LGR5: variants seen among roughly 807,000 people sequenced by gnomAD.
LGR5 encodes leucine rich repeat containing G protein-coupled receptor 5.
A neutral mutation model predicts 76.7 loss-of-function variants in LGR5; 54 were observed. That is an observed-to-expected ratio of 0.70 (90% CI 0.57 to 0.88). LGR5 has a LOEUF of 0.88. Among genes scored for constraint, LGR5 ranks in the 40% least tolerant of loss-of-function variants. LGR5 has a pLI of 0.00. For synonymous variants in LGR5, 406 were observed against 421.9 expected, an observed-to-expected ratio of 0.96 and a Z score of 0.46; for missense variants, 1,078 against 1,073.3, an observed-to-expected ratio of 1.00 and a Z score of -0.06.
At chr12:71,469,621 CTG>C (rs1349572188) in intron 1 of LGR5, among the ~76,000 whole-genome samples, 1 of 152,198 alleles carries the variant, frequency 6.6e-6, no homozygotes, top group Admixed American at 6.5e-5. Flanking sequence ...AGCGGAGAAA[CTG>C]AGAAAATCCA....
chr12:71,500,858 T>A (rs1190756434), intron 1 of LGR5, among the ~76,000 whole-genome samples: 1 of 152,174 alleles, frequency 6.6e-6, no homozygotes, highest in Non-Finnish European at 1.5e-5. Flanking sequence ...CTAGACGTGA[T>A]CAGTAATATA....
chr12:71,533,914 A>G (rs1451269870), intron 3 of LGR5, among the ~76,000 whole-genome samples: 1 of 152,210 alleles, frequency 6.6e-6, no homozygotes, highest in Non-Finnish European at 1.5e-5. Flanking sequence ...GTCAGCACAT[A>G]TGCCTCAAGA....
intron 4 of LGR5, among the ~76,000 whole-genome samples, chr12:71,535,795 A>G (rs1876556041): frequency 6.6e-6 from 1 of 152,190 alleles, no homozygotes; most frequent in Admixed American, 6.6e-5. Flanking sequence ...ACACAGACAC[A>G]TGGACTCACA....
At chr12:71,531,961 C>G (rs1033765270) in intron 3 of LGR5, among the ~76,000 whole-genome samples, 1 of 151,990 alleles carries the variant, frequency 6.6e-6, no homozygotes, top group Non-Finnish European at 1.5e-5. Flanking sequence ...CGCAACTATT[C>G]AATGACAAAA....
At chr12:71,531,846 C>T (rs1184987182) in intron 3 of LGR5, among the ~76,000 whole-genome samples, 5 of 152,100 alleles carry the variant, frequency 3.3e-5, no homozygotes, top group Non-Finnish European at 7.4e-5. Context: ...CCCGTGTGGG[C>T]GACAGAGTGA....
Position 71,583,999 on chromosome 12 carries a change from G to A in LGR5, c.1989G>A (p.Gly663=). ...FLLTLAALER[G]FSVKYSAKFE... is the part of the protein sequence containing the mutation. ...TTACTCTGGCAGCCCTGGAGCGTGG[G>A]TTCTCTGTGAAATATTCTGCAAAAT... is the stretch of plus-strand genomic sequence containing the variant. Residue 663 remains glycine, a synonymous_variant, in exon 18 of 18, where the codon GGG becomes GGA. Coordinates refer to ENST00000266674, the MANE Select transcript of LGR5 (RefSeq NM_003667.4). 1 of 1,614,172 alleles carries A rather than the reference G, an allele frequency of 6.2e-7. No homozygotes were observed. Among genetic ancestry groups the A allele is most frequent in the South Asian group, 1.1e-5 (1 of 91,076 alleles).
intron 1 of LGR5, among the ~76,000 whole-genome samples, chr12:71,457,701 G>A (rs1004011169): frequency 1.3e-5 from 2 of 152,126 alleles, no homozygotes; most frequent in African/African-American, 4.8e-5. Context: ...TGTTTTGTGG[G>A]AACACCTTTA....
chr12:71,561,533 G>T (rs1337191449), intron 7 of LGR5, among the ~76,000 whole-genome samples: 5 of 152,154 alleles, frequency 3.3e-5, no homozygotes, highest in African/African-American at 7.2e-5. Context: ...ACATTAGATT[G>T]TAAGTTTCCA....
rs541261120 is a variant in LGR5, at chr12:71,520,349, C to T, written c.285-4057C>T. 5.9e-5 allele frequency among the ~76,000 whole-genome samples: 9 copies of T among 152,000 alleles called. No homozygotes were observed. In the South Asian group the frequency reaches 1.0e-3, roughly 18 times the overall value. ...ACTAATATGAGATACCTAGAAAAAGCAAGTTCATAGACAGAGGATGTAGAA... is the reference window on the plus strand; with the variant it reads ...ACTAATATGAGATACCTAGAAAAAGTAAGTTCATAGACAGAGGATGTAGAA... On this transcript the variant is annotated intron_variant, in intron 2 of 17. Transcript: ENST00000266674.
In LGR5 at chr12:71,580,378, A is replaced by T; in HGVS notation, c.1507A>T (p.Met503Leu). The T allele has an allele frequency of 6.2e-7, 1 of 1,614,110 alleles. No homozygotes were observed. The highest frequency in any genetic ancestry group is 8.5e-7 in the Non-Finnish European group (1 of 1,179,964). Residue 503 changes from methionine (M) to leucine (L), a missense_variant, in exon 16 of 18, where the codon ATG (methionine) becomes TTG (leucine). Met to Leu is a conservative substitution (Grantham distance 15, BLOSUM62 2). Transcript: ENST00000266674. ...ATGGAATAAAGGTGACAACAGCAGT[A>T]TGGACGACCTTCATAAGAAAGATGC... ...NQWNKGDNSS[M>L]DDLHKKDAGM...
chr12:71,502,436 G>C (rs945593902), intron 1 of LGR5, among the ~76,000 whole-genome samples: 4 of 152,038 alleles, frequency 2.6e-5, no homozygotes, highest in African/African-American at 9.7e-5. Flanking sequence ...GACCTCGGGT[G>C]ACCCACCTGC....
chr12:71,473,724 T>C (rs1385008053), intron 1 of LGR5, among the ~76,000 whole-genome samples: 1 of 152,012 alleles, frequency 6.6e-6, no homozygotes, highest in Non-Finnish European at 1.5e-5. Context: ...TTTAAGAATA[T>C]GATTATTCAA....
chr12:71,445,007 T>C (rs959228745), intron 1 of LGR5, among the ~76,000 whole-genome samples: 2 of 152,178 alleles, frequency 1.3e-5, no homozygotes, highest in African/African-American at 4.8e-5. Context: ...AATTTAAGTA[T>C]GTTTCTGAAT....
chr12:71,468,064 C>T (rs1405533331), intron 1 of LGR5, among the ~76,000 whole-genome samples: 1 of 152,164 alleles, frequency 6.6e-6, no homozygotes, highest in Non-Finnish European at 1.5e-5. Flanking sequence ...CTTTAGCCTT[C>T]ATCTATTTAA....
At chr12:71,488,354 A>G (rs1384172147) in intron 1 of LGR5, among the ~76,000 whole-genome samples, 2 of 152,200 alleles carry the variant, frequency 1.3e-5, no homozygotes, top group African/African-American at 4.8e-5. Flanking sequence ...CCAAAAGTCT[A>G]AGGGAGCTTT....
At position 71,574,078 on chromosome 12, in the gene LGR5, C is replaced by T. The variant is rs560273349; in HGVS notation, c.1208+1157C>T. On this transcript the variant is annotated intron_variant, in intron 13 of 17. Transcript: ENST00000266674. ...AGTCAGTTCTATATTAAAAGGCAGG[C>T]GGATCACGAGGTCAGGAGTTCGAGA... Among the ~76,000 whole-genome samples, 10 of 151,632 alleles carry T rather than the reference C, an allele frequency of 6.6e-5. No homozygotes were observed. The South Asian group carries it at 8.4e-4, about 13-fold the overall frequency.
At chr12:71,480,360 C>CAAA (rs59288333) in intron 1 of LGR5, among the ~76,000 whole-genome samples, 6 of 80,338 alleles carry the variant, frequency 7.5e-5, no homozygotes, top group African/African-American at 2.4e-4. Context: ...GACTCTGTCT[C>CAAA]AAAAAAAAAA....
intron 2 of LGR5, among the ~76,000 whole-genome samples, chr12:71,514,326 T>A (rs1335975385): frequency 3.3e-5 from 5 of 151,776 alleles, no homozygotes; most frequent in Non-Finnish European, 7.4e-5. Flanking sequence ...CCCAGCACTT[T>A]GGGAGGCCGA....
At position 71,439,892 on chromosome 12, in the gene LGR5, C is replaced by A; in HGVS notation, c.-189C>A. On this transcript the variant is annotated 5_prime_UTR_variant, in exon 1 of 18. Transcript: ENST00000266674. ...CTCCGAAGGCCGGCGTGGCGGCAAC[C>A]GGCACCTCTGTCCCCGCCGCGCTTC... The A allele has an allele frequency of 3.6e-6, 2 of 551,970 alleles. No homozygotes were observed. The highest frequency in any genetic ancestry group is 3.8e-5 in the Admixed American group (1 of 26,252). The allele number at this position is 551,970 out of a possible 1,614,324, so 34.2% of individuals were successfully genotyped here. A position where few individuals can be genotyped will look rare whatever the true frequency, so the allele number is the denominator to read the frequency against.
Sources: gnomAD v4.1 joint callset for allele counts (sites outside exome capture counted in the v4.1 genomes callset) on GRCh38, gnomAD v4.1.1 for gene constraint, MANE v1.5 for transcripts, NCBI Gene and HGNC (gene_info 2026-07-23, HGNC 2026-07-21) for gene names.